Variants in SDK1 observed in about 807,000 individuals in gnomAD.
SDK1 encodes the protein protein sidekick-1.
Under a neutral mutation model 245.5 loss-of-function variants are expected in SDK1, and 157 were observed. That is an observed-to-expected ratio of 0.64 (90% CI 0.56 to 0.73). The LOEUF (loss-of-function observed/expected upper bound fraction) is 0.73, where lower values mean the gene tolerates loss of function less well. SDK1 is among the 30% of genes least tolerant of loss of function. SDK1 has a pLI of 0.00. For synonymous variants in SDK1, 1,647 were observed against 1,278.5 expected, an observed-to-expected ratio of 1.29 and a Z score of -6.15; for missense variants, 3,583 against 3,002.3, an observed-to-expected ratio of 1.19 and a Z score of -4.52.
chr7:3,591,715 A>C lies in SDK1; in HGVS notation c.299-27365A>C, dbSNP rs573418451. Among the ~76,000 whole-genome samples, 368 of 152,210 alleles carry C rather than the reference A, an allele frequency of 2.4e-3. 3 individuals are homozygous for C. Among genetic ancestry groups the C allele is most frequent in the South Asian group, 0.018 (85 of 4,816 alleles). ...GCTGGAAGCTATTTGTATTCTTTGCACTCGTGTGGGGCATGTGTGTATATG... is the reference window on the plus strand; with the variant it reads ...GCTGGAAGCTATTTGTATTCTTTGCCCTCGTGTGGGGCATGTGTGTATATG... On this transcript the variant is annotated intron_variant, in intron 1 of 44. Coordinates refer to ENST00000404826, the MANE Select transcript of SDK1 (RefSeq NM_152744.4).
intron 1 of SDK1, among the ~76,000 whole-genome samples, chr7:3,447,223 T>G (rs1780366839): frequency 6.6e-6 from 1 of 152,198 alleles, no homozygotes; most frequent in Admixed American, 6.5e-5. Flanking sequence ...TTTTACTTAA[T>G]ATTTTCTTAA....
chr7:3,974,314 C>A, intron 12 of SDK1, 55 bp from the exon 13 acceptor site: 1 of 1,480,918 alleles, frequency 6.8e-7, no homozygotes, highest in Non-Finnish European at 9.3e-7. Context: ...AGGGAAGGAG[C>A]AGTGATTCTG....
At chr7:3,572,986 C>T (rs1339780591) in intron 1 of SDK1, among the ~76,000 whole-genome samples, 6 of 152,022 alleles carry the variant, frequency 3.9e-5, no homozygotes, top group African/African-American at 1.4e-4. Flanking sequence ...GACGGAGCAT[C>T]TGGGGTGACC....
At position 3,959,560 on chromosome 7, in the gene SDK1, C is replaced by G. The variant is rs145038374; in HGVS notation, c.1234+546C>G. ...GTACCCTGTACCCGTTAAGTAATTT[C>G]TCATCGCCCACCCCACACCCTTGTG... On this transcript the variant is annotated intron_variant, in intron 8 of 44. Coordinates refer to ENST00000404826, the MANE Select transcript of SDK1 (RefSeq NM_152744.4). Among the ~76,000 whole-genome samples the G allele has an allele frequency of 3.3e-5, 5 of 152,306 alleles. No individual in the cohort carries two copies. The East Asian group carries it at 9.7e-4, about 29-fold the overall frequency.
At chr7:4,188,868 C>G (rs965610254) in intron 35 of SDK1, among the ~76,000 whole-genome samples, 10 of 152,150 alleles carry the variant, frequency 6.6e-5, no homozygotes, top group African/African-American at 2.4e-4. Flanking sequence ...TACACACAGT[C>G]AAGTCTGTCT....
intron 1 of SDK1, among the ~76,000 whole-genome samples, chr7:3,518,105 T>A (rs986458788): frequency 3.3e-5 from 5 of 152,156 alleles, no homozygotes; most frequent in African/African-American, 9.6e-5. Flanking sequence ...TTTATGTTTG[T>A]TTCCCCTAGA....
chr7:3,683,637 C>G (rs1036110704), intron 4 of SDK1, among the ~76,000 whole-genome samples: 1 of 152,186 alleles, frequency 6.6e-6, no homozygotes, highest in African/African-American at 2.4e-5. Flanking sequence ...ATTCCCTGCG[C>G]CTAACATGGC....
chr7:4,239,942 T>C (rs953639693), intron 42 of SDK1, among the ~76,000 whole-genome samples: 3 of 152,232 alleles, frequency 2.0e-5, no homozygotes, highest in African/African-American at 7.2e-5. Context: ...CCTACCATCC[T>C]TGTGCCAAAG....
chr7:3,600,656 C>T (rs571824740), intron 1 of SDK1, among the ~76,000 whole-genome samples: 4 of 146,526 alleles, frequency 2.7e-5, no homozygotes, highest in African/African-American at 1.0e-4. Flanking sequence ...TCACGCCATT[C>T]TCCTACCTCA....
intron 4 of SDK1, among the ~76,000 whole-genome samples, chr7:3,718,888 C>T (rs1785280816): frequency 6.6e-6 from 1 of 152,078 alleles, no homozygotes; most frequent in Non-Finnish European, 1.5e-5. Context: ...AAGGAATTTA[C>T]AAAAAAGTCC....
rs188731121 is a variant in SDK1 at position 3,405,416 on chromosome 7, G to A, written c.298+103532G>A. On this transcript the variant is annotated intron_variant, in intron 1 of 44. Coordinates refer to ENST00000404826, the MANE Select transcript of SDK1 (RefSeq NM_152744.4). Reference sequence around the variant, plus strand: ...CCAAGTTGCATGCAAACAGGCTGTGGGCTGACCACCGGTTTTTGTATTTAT... The same window carrying A: ...CCAAGTTGCATGCAAACAGGCTGTGAGCTGACCACCGGTTTTTGTATTTAT... Among the ~76,000 whole-genome samples the A allele has an allele frequency of 1.6e-4, 25 of 152,034 alleles. No homozygotes were observed. In the East Asian group the frequency reaches 4.6e-3, roughly 28 times the overall value.
rs953739208 is a variant in SDK1, at chr7:3,431,037, A to T, written c.298+129153A>T. On this transcript the variant is annotated intron_variant, in intron 1 of 44. Coordinates refer to ENST00000404826, the MANE Select transcript of SDK1 (RefSeq NM_152744.4). The stretch of plus-strand genomic sequence containing the variant: ...TGCCTCAGCCTCCTGAATAGCTGAG[A>T]CTACAGGCACATGCTGCCACGCCTG... Among the ~76,000 whole-genome samples the T allele has an allele frequency of 2.0e-4, 30 of 152,238 alleles. 1 individual carries two copies. Among genetic ancestry groups the T allele is most frequent in the African/African-American group, 6.3e-4 (26 of 41,556 alleles).
In SDK1 at chr7:3,334,343, C is replaced by G. The variant is rs116245893; in HGVS notation, c.298+32459C>G. Among the ~76,000 whole-genome samples the G allele has an allele frequency of 1.4e-3, 212 of 152,330 alleles. 4 individuals carry two copies. Among genetic ancestry groups the G allele is most frequent in the African/African-American group, 5.0e-3 (206 of 41,580 alleles). On this transcript the variant is annotated intron_variant, in intron 1 of 44. Coordinates refer to ENST00000404826, the MANE Select transcript of SDK1 (RefSeq NM_152744.4). ...TCATTCTACGCTGGCCTCTTTCATT[C>G]TCATTAGATGGTGGAGCCTACGCTT...
At chr7:3,837,885 A>T (rs74988113) in intron 5 of SDK1, among the ~76,000 whole-genome samples, 2,457 of 152,326 alleles carry the variant, frequency 0.016, 35 homozygotes, top group Non-Finnish European at 0.021. Flanking sequence ...TTCCTAGTCA[A>T]ACTGGCCACA....
chr7:3,337,030 A>G (rs1248822306), intron 1 of SDK1, among the ~76,000 whole-genome samples: 1 of 152,196 alleles, frequency 6.6e-6, no homozygotes, highest in African/African-American at 2.4e-5. Context: ...ACCAATTTAT[A>G]CAATTCTACA....
intron 1 of SDK1, among the ~76,000 whole-genome samples, chr7:3,431,004 G>A (rs1779829768): frequency 6.6e-6 from 1 of 152,174 alleles, no homozygotes; most frequent in African/African-American, 2.4e-5. Context: ...GGGTTCAAGT[G>A]ATTCTTCTGC....
At chr7:3,840,808 A>G (rs957849926) in intron 5 of SDK1, among the ~76,000 whole-genome samples, 1 of 152,192 alleles carries the variant, frequency 6.6e-6, no homozygotes, top group Non-Finnish European at 1.5e-5. Flanking sequence ...CACATTAGAC[A>G]TGAAAAGTCT....
chr7:3,725,634 A>C (rs1778984779), intron 4 of SDK1, among the ~76,000 whole-genome samples: 1 of 152,172 alleles, frequency 6.6e-6, no homozygotes, highest in Non-Finnish European at 1.5e-5. Context: ...CCCCAAGAAC[A>C]GGGAGGCTGG....
intron 4 of SDK1, among the ~76,000 whole-genome samples, chr7:3,786,736 A>G (rs56898700): frequency 0.026 from 3,968 of 152,140 alleles, 168 homozygotes; most frequent in African/African-American, 0.092. Context: ...CTAGAGGGAG[A>G]AAAGAGGCGT....
Sources: allele counts gnomAD v4.1 joint callset (sites outside exome capture counted in the v4.1 genomes callset), GRCh38; gene constraint gnomAD v4.1.1; transcripts MANE v1.5; gene names NCBI Gene and HGNC (gene_info 2026-07-23, HGNC 2026-07-21).